YAP1: variants seen among roughly 807,000 people sequenced by gnomAD.
YAP1 encodes transcriptional coactivator YAP1.
YAP1 carries 5 observed loss-of-function variants against 56.9 expected under a neutral mutation model. The ratio of observed to expected loss-of-function variants is 0.09; its 90% CI spans 0.05 to 0.18. The LOEUF (loss-of-function observed/expected upper bound fraction) is 0.18, where lower values mean the gene tolerates loss of function less well. Among genes scored for constraint, YAP1 ranks in the 10% least tolerant of loss-of-function variants. YAP1 has a pLI of 1.00. For synonymous variants in YAP1, 265 were observed against 248.1 expected (o/e 1.07, Z -0.64); for missense variants, 539 against 651.8 (o/e 0.83, Z 1.88).
chr11:102,213,818 C>T lies in YAP1; in HGVS notation c.1032+4254C>T, dbSNP rs544407983. Among the ~76,000 whole-genome samples the T allele has an allele frequency of 1.1e-4, 16 of 152,194 alleles. No individual in the cohort carries two copies. The South Asian group carries it at 3.3e-3, about 32-fold the overall frequency. On this transcript the variant is annotated intron_variant, in intron 6 of 8. Transcript: ENST00000282441. ...TGAGGCAGGGCACAGTGGCTCACGC[C>T]TGTAATCCCAGCACTTTGAGAGGCC...
intron 4 of YAP1, among the ~76,000 whole-genome samples, chr11:102,188,503 A>G (rs1591365372): frequency 6.6e-6 from 1 of 152,214 alleles, no homozygotes; most frequent in East Asian, 1.9e-4. Context: ...CTGCATAATA[A>G]CGTTTCAGTC....
At chr11:102,209,299 C>T (rs150595094) in intron 5 of YAP1, among the ~76,000 whole-genome samples, 3 of 152,104 alleles carry the variant, frequency 2.0e-5, no homozygotes, top group Non-Finnish European at 2.9e-5. Flanking sequence ...CTCCTAAAGT[C>T]TTGCTGTCCT....
intron 3 of YAP1, among the ~76,000 whole-genome samples, chr11:102,180,637 A>T (rs557074883): frequency 1.4e-5 from 2 of 145,524 alleles, no homozygotes; most frequent in Non-Finnish European, 3.0e-5. Context: ...AGCCGAGATC[A>T]TGCCACTGCA....
intron 2 of YAP1, among the ~76,000 whole-genome samples, chr11:102,118,480 T>C (rs997855513): frequency 8.3e-6 from 1 of 120,754 alleles, no homozygotes; most frequent in African/African-American, 3.1e-5. Flanking sequence ...TTTTTTTTTT[T>C]TGAGACAGAG....
chr11:102,172,193 C>A (rs866076283), intron 3 of YAP1, among the ~76,000 whole-genome samples: 72 of 139,150 alleles, frequency 5.2e-4, no homozygotes, highest in Admixed American at 6.5e-4. Flanking sequence ...AACTTCTTCT[C>A]AAAAAAAAAT....
chr11:102,148,263 T>C (rs1945431946), intron 2 of YAP1, among the ~76,000 whole-genome samples: 1 of 152,200 alleles, frequency 6.6e-6, no homozygotes, highest in African/African-American at 2.4e-5. Flanking sequence ...AACATCTGAC[T>C]TGTCTATAAA....
At position 102,229,605 on chromosome 11, in the gene YAP1, G is replaced by A. The variant is rs369896748; in HGVS notation, c.1277-97G>A. The A allele has an allele frequency of 1.1e-3, 1,196 of 1,105,870 alleles. 10 individuals are homozygous for A. Among genetic ancestry groups the A allele is most frequent in the Middle Eastern group, 6.9e-3 (33 of 4,812 alleles). The allele number at this position is 1,105,870 out of a possible 1,614,324, so 68.5% of individuals were successfully genotyped here. The stretch of plus-strand genomic sequence containing the variant: ...GTATCAGTTTAGGTCAGTCAGGAGC[G>A]CTTTTCTTTCCCTGTGCATTTCTCT... On this transcript the variant is annotated intron_variant, in intron 8 of 8. Coordinates refer to ENST00000282441, the MANE Select transcript of YAP1 (RefSeq NM_001130145.3).
intron 6 of YAP1, among the ~76,000 whole-genome samples, chr11:102,212,134 G>A (rs955587878): frequency 6.6e-6 from 1 of 152,176 alleles, no homozygotes; most frequent in Non-Finnish European, 1.5e-5. Context: ...AACACTAGAC[G>A]CTGTTGTAAA....
chr11:102,220,030 A>T (rs2135682196), intron 6 of YAP1, among the ~76,000 whole-genome samples: 1 of 146,200 alleles, frequency 6.8e-6, no homozygotes, highest in East Asian at 2.3e-4. Context: ...CACCACACCC[A>T]GCCAATGGCC....
At chr11:102,142,790 CTTAGAT>C (rs1945095146) in intron 2 of YAP1, among the ~76,000 whole-genome samples, 1 of 152,014 alleles carries the variant, frequency 6.6e-6, no homozygotes, top group Non-Finnish European at 1.5e-5. Context: ...ATAATTTATA[CTTAGAT>C]TTAATTTCAA....
At chr11:102,222,891 G>A (rs571065251) in intron 6 of YAP1, among the ~76,000 whole-genome samples, 2 of 151,548 alleles carry the variant, frequency 1.3e-5, no homozygotes, top group African/African-American at 4.8e-5. Flanking sequence ...GGAGGGGGTC[G>A]GGGGGTTCCA....
At chr11:102,228,962 G>C (rs1043808197) in intron 8 of YAP1, among the ~76,000 whole-genome samples, 5 of 152,130 alleles carry the variant, frequency 3.3e-5, no homozygotes, top group Admixed American at 3.3e-4. Context: ...ATCATCCTTA[G>C]GAGCCACTTC....
chr11:102,152,260 C>A (rs891588477), intron 2 of YAP1, among the ~76,000 whole-genome samples: 33 of 152,202 alleles, frequency 2.2e-4, no homozygotes, highest in Non-Finnish European at 1.0e-4. Flanking sequence ...GAAAAGCTAT[C>A]TGTAAGATGC....
chr11:102,143,715 T>G (rs1431568019), intron 2 of YAP1, among the ~76,000 whole-genome samples: 2 of 152,256 alleles, frequency 1.3e-5, no homozygotes, highest in African/African-American at 4.8e-5. Context: ...TTGTTTTATC[T>G]GAAAACCAGT....
intron 4 of YAP1, among the ~76,000 whole-genome samples, chr11:102,191,448 TA>T (rs1948276485): frequency 6.6e-6 from 1 of 152,078 alleles, no homozygotes; most frequent in Non-Finnish European, 1.5e-5. Flanking sequence ...TACCCAAGGT[TA>T]TATAGTTAAA....
At chr11:102,151,328 G>A (rs1220660510) in intron 2 of YAP1, among the ~76,000 whole-genome samples, 1 of 152,092 alleles carries the variant, frequency 6.6e-6, no homozygotes, top group Non-Finnish European at 1.5e-5. Flanking sequence ...TCATACCTCT[G>A]TAATTTAGCC....
intron 2 of YAP1, among the ~76,000 whole-genome samples, chr11:102,161,564 ATGCT>A (rs1946294119): frequency 1.3e-5 from 2 of 152,156 alleles, no homozygotes; most frequent in Non-Finnish European, 2.9e-5. Flanking sequence ...TGGCTTTCAA[ATGCT>A]TGCTGTAATA....
At chr11:102,111,341 A>G (rs1275002389) in intron 1 of YAP1, among the ~76,000 whole-genome samples, 172 bp downstream of exon 1, 1 of 151,844 alleles carries the variant, frequency 6.6e-6, no homozygotes, top group African/African-American at 2.4e-5. Context: ...CGCCGCGGTG[A>G]CCAGCTCCCC....
intron 4 of YAP1, among the ~76,000 whole-genome samples, chr11:102,192,811 T>C (rs1462767747): frequency 2.0e-5 from 3 of 152,200 alleles, no homozygotes; most frequent in African/African-American, 7.2e-5. Context: ...TTAACTTTGG[T>C]CCTCTGGTCA....
Sources: gnomAD v4.1 joint callset for allele counts (sites outside exome capture counted in the v4.1 genomes callset) on GRCh38, gnomAD v4.1.1 for gene constraint, MANE v1.5 for transcripts, NCBI Gene and HGNC (gene_info 2026-07-23, HGNC 2026-07-21) for gene names.